Variants in KIRREL3 observed in about 807,000 individuals in gnomAD.
The protein encoded by KIRREL3 is kirre like nephrin family adhesion molecule 3.
In KIRREL3, 36 loss-of-function variants were observed where a neutral mutation model predicts 89.7. The ratio of observed to expected loss-of-function variants is 0.40; its 90% CI spans 0.31 to 0.53. KIRREL3 has a LOEUF of 0.53. Ranked by LOEUF, KIRREL3 falls within the 20% of genes least tolerant of loss-of-function variation. The probability of loss-of-function intolerance (pLI) is 0.49; values close to 1 mark genes in which losing one functional copy is unlikely to be tolerated. For missense variants in KIRREL3, 864 were observed against 1,056.6 expected, an observed-to-expected ratio of 0.82 and a Z score of 2.53; for synonymous variants, 445 against 441.4, an observed-to-expected ratio of 1.01 and a Z score of -0.10.
chr11:126,872,433 C>T lies in KIRREL3; in HGVS notation c.55+128022G>A, dbSNP rs1945137843. Among the ~76,000 whole-genome samples the T allele has an allele frequency of 2.0e-5, 3 of 152,168 alleles. 1 individual carries two copies. The highest frequency in any genetic ancestry group is 2.9e-5 in the Non-Finnish European group (2 of 68,026). On this transcript the variant is annotated intron_variant, in intron 1 of 16. Transcript: ENST00000525144. This position sits in a 1 kb window ranked among gnomAD's most constrained non-coding sequence, Gnocchi z 4.2. The stretch of plus-strand genomic sequence containing the variant: ...AGCCCTGCTCAGCAAGGAGCGGCTC[C>T]CCTGCTGCTGCTGTATGCTGCCACT...
At position 126,548,473 on chromosome 11, in the gene KIRREL3, G is replaced by T. The variant is rs117654456; in HGVS notation, c.133+14362C>A. Among the ~76,000 whole-genome samples the T allele has an allele frequency of 1.4e-4, 21 of 152,268 alleles. No individual in the cohort carries two copies. The East Asian group carries it at 3.9e-3, about 28-fold the overall frequency. ...GGAGCTGGTGCAGAAATACCCCACC[G>T]CTTGGGTGCCCTAGCTGTGAGGTGG... is the stretch of plus-strand genomic sequence containing the variant. On this transcript the variant is annotated intron_variant, in intron 2 of 16. Transcript: ENST00000525144.
intron 1 of KIRREL3, among the ~76,000 whole-genome samples, chr11:126,798,930 G>A (rs544059237): frequency 2.0e-5 from 3 of 152,302 alleles, no homozygotes; most frequent in East Asian, 1.9e-4. Flanking sequence ...CAGTGGGCCC[G>A]CCACAGAGGA....
rs949431714 is a variant in KIRREL3 at position 126,601,692 on chromosome 11, C to T, written c.56-38780G>A. On this transcript the variant is annotated intron_variant, in intron 1 of 16. Transcript: ENST00000525144. This position sits in a 1 kb window ranked among gnomAD's most constrained non-coding sequence, Gnocchi z 5.8. ...CCTCTGCCCACTTGCCGCCCCTCCT[C>T]CATTCTTCTCATGCATCCTGCGGTG... is the stretch of plus-strand genomic sequence containing the variant. Among the ~76,000 whole-genome samples the T allele has an allele frequency of 6.6e-6, 1 of 152,170 alleles. No homozygotes were observed. Among genetic ancestry groups the T allele is most frequent in the African/African-American group, 2.4e-5 (1 of 41,444 alleles).
At chr11:126,964,522 G>A (rs1206577233) in intron 1 of KIRREL3, among the ~76,000 whole-genome samples, 1 of 152,140 alleles carries the variant, frequency 6.6e-6, no homozygotes, top group African/African-American at 2.4e-5. Flanking sequence ...AAGAATCTAA[G>A]ATCAGGAATT....
At chr11:126,929,957 C>G (rs34867739) in intron 1 of KIRREL3, among the ~76,000 whole-genome samples, 133 of 151,180 alleles carry the variant, frequency 8.8e-4, no homozygotes, top group Non-Finnish European at 1.3e-3. Context: ...CACCCCCCCC[C>G]CCCCACCTCA....
intron 1 of KIRREL3, among the ~76,000 whole-genome samples, chr11:126,751,272 C>T (rs977429498): frequency 6.6e-6 from 1 of 152,234 alleles, no homozygotes; most frequent in Non-Finnish European, 1.5e-5. Context: ...TTCCTGGATG[C>T]ACCATCTCCT....
chr11:126,886,733 T>C (rs1945710758), intron 1 of KIRREL3, among the ~76,000 whole-genome samples: 1 of 152,138 alleles, frequency 6.6e-6, no homozygotes, highest in East Asian at 1.9e-4. Context: ...GAACTAAGCA[T>C]TGGGCTGGTC....
rs1262726080 is a variant in KIRREL3, at chr11:126,924,184, C to T, written c.55+76271G>A. ...CTTGATCCTGTCCCCTGGGTTCCTT[C>T]CCCCTTTCCCTGGCTCAGGCCACCA... is the stretch of plus-strand genomic sequence containing the variant. On this transcript the variant is annotated intron_variant, in intron 1 of 16. Coordinates refer to ENST00000525144, the MANE Select transcript of KIRREL3 (RefSeq NM_032531.4). This position sits in a 1 kb window ranked among gnomAD's most constrained non-coding sequence, Gnocchi z 4.7. Among the ~76,000 whole-genome samples, 2 of 152,200 alleles carry T rather than the reference C, an allele frequency of 1.3e-5. No homozygotes were observed. Among genetic ancestry groups the T allele is most frequent in the Non-Finnish European group, 2.9e-5 (2 of 68,032 alleles).
At chr11:126,466,773 T>C (rs73630450) in intron 5 of KIRREL3, among the ~76,000 whole-genome samples, 17,306 of 152,230 alleles carry the variant, frequency 0.11, 3,281 homozygotes, top group African/African-American at 0.39. Context: ...TTCCCTTCAC[T>C]GAGCTTGGCT....
At position 126,772,336 on chromosome 11, in the gene KIRREL3, T is replaced by G. The variant is rs1950044124; in HGVS notation, c.56-209424A>C. Among the ~76,000 whole-genome samples the G allele has an allele frequency of 6.6e-6, 1 of 152,168 alleles. No individual in the cohort carries two copies. Among genetic ancestry groups the G allele is most frequent in the Admixed American group, 6.5e-5 (1 of 15,280 alleles). ...TAAATTCAAGGCAGCTAAGACCGGT[T>G]CAGGGACAGAGAACAGCAAGTGACA... On this transcript the variant is annotated intron_variant, in intron 1 of 16. Transcript: ENST00000525144. This position sits in a 1 kb window ranked among gnomAD's most constrained non-coding sequence, Gnocchi z 4.6.
chr11:126,905,301 C>T lies in KIRREL3; in HGVS notation c.55+95154G>A, dbSNP rs551146228. Among the ~76,000 whole-genome samples the T allele has an allele frequency of 5.9e-5, 9 of 152,226 alleles. No individual in the cohort carries two copies. The South Asian group carries it at 1.2e-3, about 21-fold the overall frequency. ...CCGGGGGGAGCTGCAAGCTGAGGGGCTGCACCAGGAATACAGGATTCCTGG... is the reference window on the plus strand; with the variant it reads ...CCGGGGGGAGCTGCAAGCTGAGGGGTTGCACCAGGAATACAGGATTCCTGG... On this transcript the variant is annotated intron_variant, in intron 1 of 16. Coordinates refer to ENST00000525144, the MANE Select transcript of KIRREL3 (RefSeq NM_032531.4). This position sits in a 1 kb window ranked among gnomAD's most constrained non-coding sequence, Gnocchi z 5.0.
chr11:126,780,115 TA>T lies in KIRREL3; in HGVS notation c.56-217204del, dbSNP rs1487371332. Among the ~76,000 whole-genome samples, 1 of 151,648 alleles carries T rather than the reference TA, an allele frequency of 6.6e-6. No individual in the cohort carries two copies. The highest frequency in any genetic ancestry group is 1.5e-5 in the Non-Finnish European group (1 of 67,932). ...AGGAAGACACAGAAAGGGAGTAGGATAGGGGAGATGGACATGGAAGCACAGG... is the reference window on the plus strand; with the variant it reads ...AGGAAGACACAGAAAGGGAGTAGGATGGGGAGATGGACATGGAAGCACAGG... On this transcript the variant is annotated intron_variant, in intron 1 of 16. Coordinates refer to ENST00000525144, the MANE Select transcript of KIRREL3 (RefSeq NM_032531.4). This position sits in a 1 kb window ranked among gnomAD's most constrained non-coding sequence, Gnocchi z 5.3.
At chr11:126,919,381 G>A (rs959679176) in intron 1 of KIRREL3, among the ~76,000 whole-genome samples, 1 of 152,198 alleles carries the variant, frequency 6.6e-6, no homozygotes, top group African/African-American at 2.4e-5. Context: ...TTCTGTTAAA[G>A]TAGCATGGTT....
At position 127,000,069 on chromosome 11, in the gene KIRREL3, G is replaced by A. The variant is rs536279554; in HGVS notation, c.55+386C>T. 9.2e-5 allele frequency among the ~76,000 whole-genome samples: 14 copies of A among 152,134 alleles called. No homozygotes were observed. Among genetic ancestry groups the A allele is most frequent in the African/African-American group, 3.4e-4 (14 of 41,498 alleles). On this transcript the variant is annotated intron_variant, in intron 1 of 16. Coordinates refer to ENST00000525144, the MANE Select transcript of KIRREL3 (RefSeq NM_032531.4). This position sits in a 1 kb window ranked among gnomAD's most constrained non-coding sequence, Gnocchi z 7.1. ...CACCTAAACCAAGCTCTCCCTCCCT[G>A]CCGTCTCCTTCCCTGGCCTGGGTCT...
chr11:126,921,969 ATC>A (rs780853268), intron 1 of KIRREL3, among the ~76,000 whole-genome samples: 5 of 109,560 alleles, frequency 4.6e-5, no homozygotes, highest in African/African-American at 1.8e-4. Flanking sequence ...ATCTATATCT[ATC>A]TATCTATCTA....
At position 126,609,947 on chromosome 11, in the gene KIRREL3, A is replaced by G. The variant is rs187857732; in HGVS notation, c.56-47035T>C. On this transcript the variant is annotated intron_variant, in intron 1 of 16. Coordinates refer to ENST00000525144, the MANE Select transcript of KIRREL3 (RefSeq NM_032531.4). The surrounding 1 kb of genome is among the most constrained non-coding windows in gnomAD (Gnocchi z 5.0). ...ATGACTTCAACGAATCCTCAGAACA[A>G]CCCAATGTTGTTGGAAGGTGCAATG... Among the ~76,000 whole-genome samples the G allele has an allele frequency of 7.4e-4, 113 of 152,322 alleles. No homozygotes were observed. The highest frequency in any genetic ancestry group is 2.6e-3 in the African/African-American group (108 of 41,566).
intron 1 of KIRREL3, among the ~76,000 whole-genome samples, chr11:126,629,739 G>A (rs1020811534): frequency 1.3e-5 from 2 of 152,180 alleles, no homozygotes; most frequent in Admixed American, 6.5e-5. Context: ...CGCTTTCTTT[G>A]TGAGATCATC....
chr11:126,942,380 A>G (rs1337381589), intron 1 of KIRREL3, among the ~76,000 whole-genome samples: 1 of 152,134 alleles, frequency 6.6e-6, no homozygotes, highest in Non-Finnish European at 1.5e-5. Flanking sequence ...CTCATGTTCT[A>G]AAGGGCCCAA....
intron 9 of KIRREL3, 144 bp from the exon 10 acceptor site, chr11:126,445,249 G>A: frequency 9.4e-7 from 1 of 1,069,312 alleles, no homozygotes; most frequent in East Asian, 2.6e-5. Flanking sequence ...GGAGGAAAGA[G>A]GCCAAAAGTT....
Sources: allele counts gnomAD v4.1 joint callset (sites outside exome capture counted in the v4.1 genomes callset), GRCh38; gene constraint gnomAD v4.1.1; non-coding constraint Gnocchi (gnomAD v3.1); transcripts MANE v1.5; gene names NCBI Gene and HGNC (gene_info 2026-07-23, HGNC 2026-07-21).